NCAM2: variants seen among roughly 807,000 people sequenced by gnomAD.
NCAM2 encodes the protein neural cell adhesion molecule 2, also known as N-CAM-2.
NCAM2 carries 30 observed loss-of-function variants against 98.1 expected under a neutral mutation model. The observed-to-expected ratio is 0.31, with a 90% CI of 0.23 to 0.41. The LOEUF (loss-of-function observed/expected upper bound fraction) is 0.41, where lower values mean the gene tolerates loss of function less well. NCAM2 is among the 10% of genes least tolerant of loss of function. The pLI, the probability that NCAM2 is intolerant of heterozygous loss-of-function variation, is 1.00. For synonymous variants in NCAM2, 368 were observed against 342.4 expected (o/e 1.07, Z -0.83); for missense variants, 867 against 1,005.8 (o/e 0.86, Z 1.87).
Position 21,216,966 on chromosome 21 carries a change from G to A in NCAM2, c.56-63612G>A, listed in dbSNP as rs953510749. ...TTGAAGTTTTGTCTGTTAACTCAGG[G>A]CAAGTGATTATCTTTGGCAATCATA... is the stretch of plus-strand genomic sequence containing the variant. On this transcript the variant is annotated intron_variant, in intron 1 of 17. Transcript: ENST00000400546. 4.6e-5 allele frequency among the ~76,000 whole-genome samples: 7 copies of A among 152,264 alleles called. No homozygotes were observed. The East Asian group carries it at 1.4e-3, about 29-fold the overall frequency.
chr21:21,338,362 G>T (rs536430886), intron 7 of NCAM2, 27 bp from the exon 8 acceptor site: 14 of 1,593,272 alleles, frequency 8.8e-6, no homozygotes, highest in Non-Finnish European at 1.1e-5. Flanking sequence ...TCCAATACCG[G>T]TTGAGTAATA....
At chr21:21,126,698 T>G (rs977258946) in intron 1 of NCAM2, among the ~76,000 whole-genome samples, 1 of 152,056 alleles carries the variant, frequency 6.6e-6, no homozygotes, top group African/African-American at 2.4e-5. Flanking sequence ...GCTAATCTTA[T>G]GTTTTGTGAA....
chr21:21,153,963 C>T (rs2067529581), intron 1 of NCAM2, among the ~76,000 whole-genome samples: 1 of 151,534 alleles, frequency 6.6e-6, no homozygotes, highest in African/African-American at 2.4e-5. Context: ...TTTTATTTTT[C>T]TTGGTTAAAT....
intron 8 of NCAM2, among the ~76,000 whole-genome samples, chr21:21,356,045 A>T (rs750029493): frequency 2.6e-5 from 4 of 152,200 alleles, no homozygotes; most frequent in Non-Finnish European, 4.4e-5. Flanking sequence ...TTCCTCCACG[A>T]ATTTAGACAC....
intron 17 of NCAM2, among the ~76,000 whole-genome samples, chr21:21,536,782 T>G (rs2146435181): frequency 6.6e-6 from 1 of 152,324 alleles, no homozygotes; most frequent in African/African-American, 2.4e-5. Context: ...TACACAATAG[T>G]AAACAATTGA....
intron 15 of NCAM2, among the ~76,000 whole-genome samples, chr21:21,489,161 A>G (rs1268515512): frequency 1.3e-5 from 2 of 151,582 alleles, no homozygotes; most frequent in Non-Finnish European, 2.9e-5. Flanking sequence ...ACACCTGGCT[A>G]ATTTTGTATT....
rs62207726 is a variant in NCAM2, at chr21:21,351,073, C to T, written c.1044+12539C>T. ...AGGTTGCAGTGAGCTGAGATCCTGC[C>T]ACTGCACTCCAGCCTGGGAGACAGA... On this transcript the variant is annotated intron_variant, in intron 8 of 17. Coordinates refer to ENST00000400546, the MANE Select transcript of NCAM2 (RefSeq NM_004540.5). Among the ~76,000 whole-genome samples the T allele has an allele frequency of 1.0e-4, 14 of 135,538 alleles. No homozygotes were observed. In the Admixed American group the frequency reaches 1.0e-3, roughly 10 times the overall value. The allele number at this position is 135,538 out of a possible 152,430, so 88.9% of individuals were successfully genotyped here. A position where few individuals can be genotyped will look rare whatever the true frequency, so the allele number is the denominator to read the frequency against.
intron 1 of NCAM2, among the ~76,000 whole-genome samples, chr21:21,230,723 G>A (rs927385928): frequency 7.9e-5 from 12 of 151,328 alleles, no homozygotes; most frequent in Non-Finnish European, 1.5e-4. Flanking sequence ...GTTCTCAGGT[G>A]ATGTTAGGAC....
Position 21,087,556 on chromosome 21 carries a change from G to C in NCAM2, c.55+88938G>C, listed in dbSNP as rs532022113. On this transcript the variant is annotated intron_variant, in intron 1 of 17. Transcript: ENST00000400546. ...TCTGGTCCCTGACCTCTCCCTTGTGGTTCTTCTGTAGCTTGCCCAAAACTC... is the reference window on the plus strand; with the variant it reads ...TCTGGTCCCTGACCTCTCCCTTGTGCTTCTTCTGTAGCTTGCCCAAAACTC... Among the ~76,000 whole-genome samples, 21 of 152,248 alleles carry C rather than the reference G, an allele frequency of 1.4e-4. No homozygotes were observed. In the East Asian group the frequency reaches 3.9e-3, roughly 28 times the overall value.
intron 1 of NCAM2, among the ~76,000 whole-genome samples, chr21:21,116,724 A>G (rs1464725184): frequency 1.3e-5 from 2 of 152,170 alleles, no homozygotes; most frequent in Non-Finnish European, 2.9e-5. Flanking sequence ...GTGCGGTGGC[A>G]GGCACCTGTA....
rs934592812 is a variant in NCAM2, at chr21:21,087,343, C to G, written c.55+88725C>G. 4.6e-5 allele frequency among the ~76,000 whole-genome samples: 7 copies of G among 152,018 alleles called. No homozygotes were observed. The East Asian group carries it at 1.4e-3, about 29-fold the overall frequency. ...CCAATGGTGAGCCAAGTCATGAGAC[C>G]GAGGAGAAGAAAAAGGTCTGAGTAT... On this transcript the variant is annotated intron_variant, in intron 1 of 17. Transcript: ENST00000400546.
intron 1 of NCAM2, among the ~76,000 whole-genome samples, chr21:21,066,767 G>T (rs370325313): frequency 6.6e-6 from 1 of 151,956 alleles, no homozygotes; most frequent in South Asian, 2.1e-4. Flanking sequence ...TAAGCCTATA[G>T]CAAGCTAAAA....
chr21:21,354,619 A>AATTCTGC (rs2075422772), intron 8 of NCAM2, among the ~76,000 whole-genome samples: 1 of 152,206 alleles, frequency 6.6e-6, no homozygotes, highest in Non-Finnish European at 1.5e-5. Flanking sequence ...GTGTCCAAAC[A>AATTCTGC]TATTTTGAAT....
chr21:21,508,928 A>G lies in NCAM2; in HGVS notation c.2155A>G (p.Thr719Ala). The G allele has an allele frequency of 6.2e-7, 1 of 1,609,762 alleles. No homozygotes were observed. Among genetic ancestry groups the G allele is most frequent in the East Asian group, 2.2e-5 (1 of 44,738 alleles). The change falls in exon 16 of 18, where the codon ACA becomes GCA. Residue 719 changes from threonine (T) to alanine (A), a missense_variant. Physicochemically the swap from Thr to Ala is moderately conservative, Grantham distance 58 (BLOSUM62 0). This residue lies in a region of NCAM2 where 234 missense variants were observed against 333.8 expected (regional missense o/e 0.70). Coordinates refer to ENST00000400546, the MANE Select transcript of NCAM2 (RefSeq NM_004540.5). ...VAALLLILVV[T>A]DVSCFFIRQC... ...TGCACTGCTGCTAATTCTTGTGGTA[A>G]CAGACGTCAGCTGCTTCTTTATTCG...
In NCAM2 at chr21:21,328,794, G is replaced by A. The variant is rs1021246938; in HGVS notation, c.737+4294G>A. Among the ~76,000 whole-genome samples, 8 of 151,694 alleles carry A rather than the reference G, an allele frequency of 5.3e-5. No individual in the cohort carries two copies. In the South Asian group the frequency reaches 1.7e-3, roughly 32 times the overall value. On this transcript the variant is annotated intron_variant, in intron 6 of 17. Transcript: ENST00000400546. Reference sequence around the variant, plus strand: ...TTGAAGAAAGAAAATGTTTAGTGTCGCTTAAGTATACAGTGTTTATAAAGT... The same window carrying A: ...TTGAAGAAAGAAAATGTTTAGTGTCACTTAAGTATACAGTGTTTATAAAGT...
chr21:21,124,597 A>G (rs2066748422), intron 1 of NCAM2, among the ~76,000 whole-genome samples: 1 of 152,240 alleles, frequency 6.6e-6, no homozygotes, highest in African/African-American at 2.4e-5. Flanking sequence ...AACTTGAGCA[A>G]AACTCATTGT....
chr21:21,400,871 T>A (rs2076613884), intron 9 of NCAM2, among the ~76,000 whole-genome samples: 1 of 152,234 alleles, frequency 6.6e-6, no homozygotes, highest in South Asian at 2.1e-4. Context: ...ACCTTTTATA[T>A]GGACTAGTGC....
chr21:21,153,468 A>G (rs956528346), intron 1 of NCAM2, among the ~76,000 whole-genome samples: 4 of 151,934 alleles, frequency 2.6e-5, no homozygotes, highest in African/African-American at 7.2e-5. Flanking sequence ...ATATATAGAA[A>G]TGTATAATAT....
intron 9 of NCAM2, among the ~76,000 whole-genome samples, chr21:21,391,445 ACAT>A (rs2145828971): frequency 6.6e-6 from 1 of 152,328 alleles, no homozygotes; most frequent in South Asian, 2.1e-4. Context: ...TTGAAAGGTA[ACAT>A]CATCACAGTA....
Sources: allele counts gnomAD v4.1 joint callset (sites outside exome capture counted in the v4.1 genomes callset), GRCh38; gene constraint gnomAD v4.1.1; regional missense constraint gnomAD v4.1.1; transcripts MANE v1.5; gene names NCBI Gene and HGNC (gene_info 2026-07-23, HGNC 2026-07-21).